EPX: variants seen among roughly 807,000 people sequenced by gnomAD.
EPX encodes the protein eosinophil peroxidase.
EPX carries 60 observed loss-of-function variants against 73.0 expected under a neutral mutation model. The observed-to-expected ratio is 0.82, with a 90% CI of 0.67 to 1.02. EPX has a LOEUF of 1.02. EPX is among the 50% of genes least tolerant of loss of function. EPX has a pLI of 0.00. For synonymous variants in EPX, 347 were observed against 389.2 expected, an observed-to-expected ratio of 0.89 and a Z score of 1.28; for missense variants, 950 against 973.9, an observed-to-expected ratio of 0.98 and a Z score of 0.33.
intron 6 of EPX, among the ~76,000 whole-genome samples, chr17:58,195,418 A>G (rs1447412337): frequency 1.3e-5 from 2 of 152,268 alleles, no homozygotes; most frequent in East Asian, 1.9e-4. Context: ...CCCTTGACAC[A>G]TGCCTTGACC....
chr17:58,193,458 T>C lies in EPX; in HGVS notation c.258T>C (p.Val86=). The part of the protein sequence containing the change: ...FKQPVAATRT[V]VRAADYMHVA... ...AACCGGTAGCAGCCACCAGGACAGT[T>C]GTTCGGGCCGCAGATTATATGCATG... The change falls in exon 3 of 13, where the codon GTT becomes GTC. Residue 86 remains valine (V), a synonymous_variant. Transcript: ENST00000225371. 6.2e-7 allele frequency: 1 copy of C among 1,614,182 alleles called. No homozygotes were observed. The highest frequency in any genetic ancestry group is 8.5e-7 in the Non-Finnish European group (1 of 1,180,006).
chr17:58,197,289 G>C, intron 7 of EPX, 32 bp downstream of exon 7: 3 of 1,606,640 alleles, frequency 1.9e-6, no homozygotes, highest in Non-Finnish European at 2.5e-6. Context: ...TGTCTTCCCA[G>C]GAAACAGCCA....
chr17:58,192,975 C>G, intron 1 of EPX, 53 bp downstream of exon 1: 1 of 1,596,660 alleles, frequency 6.3e-7, no homozygotes, highest in Non-Finnish European at 8.6e-7. Context: ...GAAGGGGAAG[C>G]ACTTGGGTCT....
intron 9 of EPX, 103 bp from the exon 10 acceptor site, chr17:58,200,122 C>G (rs541927341): frequency 1.8e-6 from 2 of 1,116,460 alleles, no homozygotes; most frequent in Non-Finnish European, 2.7e-6. Context: ...CTAACATACC[C>G]GACTGGCTTG....
intron 6 of EPX, 32 bp downstream of exon 6, chr17:58,195,202 T>C: frequency 6.4e-7 from 1 of 1,562,466 alleles, no homozygotes. Flanking sequence ...CCCATGCCCT[T>C]GTGTGGCCTC....
intron 7 of EPX, among the ~76,000 whole-genome samples, chr17:58,198,654 G>A (rs949506190): frequency 2.0e-5 from 3 of 152,166 alleles, no homozygotes; most frequent in South Asian, 2.1e-4. Flanking sequence ...CAGAGAACAC[G>A]CAGGCAGATG....
At position 58,193,811 on chromosome 17, in the gene EPX, C is replaced by T. The variant is rs766403284; in HGVS notation, c.444C>T (p.Ile148=). The T allele has an allele frequency of 1.9e-6, 3 of 1,613,010 alleles. No individual in the cohort carries two copies. The highest frequency in any genetic ancestry group is 2.5e-6 in the Non-Finnish European group (3 of 1,179,224). The change falls in exon 4 of 13, where the codon ATC becomes ATT. Residue 148 remains isoleucine, a synonymous_variant. Transcript: ENST00000225371. ...AERCSDKYRT[I]TGRCNNKRRP... is the part of the protein sequence containing the mutation. ...GCTGCAGCGACAAGTACCGCACCATCACTGGACGGTGCAACAACAAGTGCG... is the reference window on the plus strand; with the variant it reads ...GCTGCAGCGACAAGTACCGCACCATTACTGGACGGTGCAACAACAAGTGCG...
rs748539431 is a variant in EPX, at chr17:58,194,081, C to T, written c.583C>T (p.Leu195Phe). Reference protein sequence around the residue: ...WTPSRRRNGFLLPLVRAVSNQ... With the variant: ...WTPSRRRNGFFLPLVRAVSNQ... ...CCCCAGCAGGAGGCGCAATGGCTTCCTTCTCCCTCTTGTGAGTTGGGGCTG... is the reference window on the plus strand; with the variant it reads ...CCCCAGCAGGAGGCGCAATGGCTTCTTTCTCCCTCTTGTGAGTTGGGGCTG... Residue 195 changes from leucine to phenylalanine, a missense_variant, in exon 5 of 13, where the codon CTT (leucine) becomes TTT (phenylalanine). Leu to Phe is a conservative substitution (Grantham distance 22). Coordinates refer to ENST00000225371, the MANE Select transcript of EPX (RefSeq NM_000502.6). 3.3e-5 allele frequency: 54 copies of T among 1,613,378 alleles called. No homozygotes were observed. In the South Asian group the frequency reaches 4.9e-4, roughly 15 times the overall value.
Position 58,200,352 on chromosome 17 carries a change from G to C in EPX, c.1665G>C (p.Leu555=), listed in dbSNP as rs762502233. 1.2e-6 allele frequency: 2 copies of C among 1,614,198 alleles called. No individual in the cohort carries two copies. The highest frequency in any genetic ancestry group is 2.2e-5 in the South Asian group (2 of 91,086). Residue 555 remains leucine (L), a synonymous_variant, in exon 10 of 13, where the codon CTG becomes CTC. Transcript: ENST00000225371. ...FRQVRRIGLD[L]AALNMQRSRD... is the part of the protein sequence containing the mutation. ...AAGTGAGGAGGATTGGGCTGGACCT[G>C]GCAGCTCTCAACATGCAACGAAGCC...
At chr17:58,203,650 C>T (rs906123189) in intron 11 of EPX, among the ~76,000 whole-genome samples, 14 of 152,058 alleles carry the variant, frequency 9.2e-5, no homozygotes, top group Non-Finnish European at 1.0e-4. Flanking sequence ...TAAGACCTGA[C>T]GGCCGGGCGC....
intron 2 of EPX, 52 bp downstream of exon 2, chr17:58,193,183 T>C (rs777750390): frequency 7.2e-7 from 1 of 1,381,528 alleles, no homozygotes; most frequent in Non-Finnish European, 1.0e-6. Flanking sequence ...GTGAGGGGCA[T>C]GGGCCCCAGC....
chr17:58,193,297 G>A, intron 2 of EPX, 74 bp from the exon 3 acceptor site: 1 of 1,474,222 alleles, frequency 6.8e-7, no homozygotes, highest in Non-Finnish European at 9.5e-7. Flanking sequence ...TGTCCTGACT[G>A]TGCCCCAGGA....
rs1329481711 is a variant in EPX at position 58,197,056 on chromosome 17, T to G, written c.919T>G (p.Ser307Ala). The change falls in exon 7 of 13, where the codon TCC (serine) becomes GCC (alanine). Residue 307 changes from serine to alanine, a missense_variant. Transcript: ENST00000225371. ...RVRNQINALT[S>A]FVDASMVYGS... ...CCGCAACCAGATCAACGCGCTCACCTCCTTTGTGGACGCCAGCATGGTGTA... is the reference window on the plus strand; with the variant it reads ...CCGCAACCAGATCAACGCGCTCACCGCCTTTGTGGACGCCAGCATGGTGTA... The G allele has an allele frequency of 1.2e-6, 2 of 1,614,086 alleles. No individual in the cohort carries two copies. The highest frequency in any genetic ancestry group is 4.5e-5 in the East Asian group (2 of 44,884).
At chr17:58,202,132 G>T (rs1968350239) in intron 10 of EPX, among the ~76,000 whole-genome samples, 1 of 152,210 alleles carries the variant, frequency 6.6e-6, no homozygotes, top group African/African-American at 2.4e-5. Flanking sequence ...TGCTGTGAGG[G>T]TCCTGAGATA....
chr17:58,198,240 A>ACT (rs2143712141), intron 7 of EPX, among the ~76,000 whole-genome samples: 1 of 152,306 alleles, frequency 6.6e-6, no homozygotes, highest in South Asian at 2.1e-4. Flanking sequence ...ACTCAGGGAA[A>ACT]GTGAATCATG....
chr17:58,193,093 G>C lies in EPX; in HGVS notation c.132G>C (p.Lys44Asn), dbSNP rs772930951. The C allele has an allele frequency of 8.1e-6, 13 of 1,613,406 alleles. No homozygotes were observed. The Admixed American group carries it at 2.2e-4, about 27-fold the overall frequency. ...TGCGAGACTGCATAGCAGAGGCCAA[G>C]TTGCTGGTGGATGCTGCCTACAATT... ...SVLRDCIAEA[K>N]LLVDAAYNWT... Residue 44 changes from lysine to asparagine, a missense_variant, in exon 2 of 13, where the codon AAG becomes AAC. Physicochemically the swap from Lys to Asn is moderately conservative, Grantham distance 94. Transcript: ENST00000225371.
rs2143724569 is a variant in EPX at position 58,204,716 on chromosome 17, C to G, written c.*12-20C>G. On this transcript the variant is annotated intron_variant, in intron 12 of 12. Coordinates refer to ENST00000225371, the MANE Select transcript of EPX (RefSeq NM_000502.6). ...ACATCCAGTAAATTCCTGACTTATC[C>G]AGTTCTGTTACTTCCACAGGAGTCT... 1 of 432,132 alleles carries G rather than the reference C, an allele frequency of 2.3e-6. No homozygotes were observed. Among genetic ancestry groups the G allele is most frequent in the East Asian group, 4.6e-5 (1 of 21,620 alleles). 26.8% of individuals were successfully genotyped at this position (432,132 alleles called of 1,614,324 possible). A position where few individuals can be genotyped will look rare whatever the true frequency, so the allele number is the denominator to read the frequency against.
chr17:58,202,057 T>C (rs567054744), intron 10 of EPX, among the ~76,000 whole-genome samples: 1 of 152,340 alleles, frequency 6.6e-6, no homozygotes, highest in South Asian at 2.1e-4. Context: ...CTGAAGCCTA[T>C]GGTTGCTCAA....
chr17:58,195,704 A>G (rs1481447145), intron 6 of EPX, among the ~76,000 whole-genome samples: 1 of 152,020 alleles, frequency 6.6e-6, no homozygotes, highest in East Asian at 1.9e-4. Flanking sequence ...TCTCTCACAC[A>G]CACACACGTG....
Sources: gnomAD v4.1 joint callset for allele counts (sites outside exome capture counted in the v4.1 genomes callset) on GRCh38, gnomAD v4.1.1 for gene constraint, MANE v1.5 for transcripts, NCBI Gene and HGNC (gene_info 2026-07-23, HGNC 2026-07-21) for gene names.